Variants in PIK3C2G observed in about 807,000 individuals in gnomAD.
PIK3C2G encodes the protein phosphatidylinositol 3-kinase C2 domain-containing subunit gamma.
A neutral mutation model predicts 181.1 loss-of-function variants in PIK3C2G; 168 were observed. That is an observed-to-expected ratio of 0.93 (90% CI 0.82 to 1.05). The LOEUF (loss-of-function observed/expected upper bound fraction) is 1.05, where lower values mean the gene tolerates loss of function less well. Ranked by LOEUF, PIK3C2G falls within the 50% of genes least tolerant of loss-of-function variation. The probability of loss-of-function intolerance (pLI) is 0.00; values close to 1 mark genes in which losing one functional copy is unlikely to be tolerated. For synonymous variants in PIK3C2G, 573 were observed against 592.2 expected (o/e 0.97, Z 0.47); for missense variants, 1,869 against 1,732.8 (o/e 1.08, Z -1.40).
the PIK3C2G span, among the ~76,000 whole-genome samples, chr12:18,658,592 AAAAT>A: frequency 6.6e-6 from 1 of 152,170 alleles, no homozygotes; most frequent in Non-Finnish European, 1.5e-5. Context: ...CTATTTTTGA[AAAAT>A]AAAGGAGAAT....
rs540941383 is a variant in PIK3C2G, at chr12:18,475,672, C to T, written c.2505-12777C>T. ...AGAAACTCTGGTATTCTCTTGGAGT[C>T]TTTCAAAATTCTCAAATATAAATTA... On this transcript the variant is annotated intron_variant, in intron 18 of 32. Coordinates refer to ENST00000538779, the MANE Select transcript of PIK3C2G (RefSeq NM_001288772.2). Among the ~76,000 whole-genome samples, 212 of 152,118 alleles carry T rather than the reference C, an allele frequency of 1.4e-3. 4 individuals carry two copies. Among genetic ancestry groups the T allele is most frequent in the African/African-American group, 4.9e-3 (205 of 41,508 alleles).
chr12:18,698,130 T>C, the PIK3C2G span, among the ~76,000 whole-genome samples: 1 of 151,732 alleles, frequency 6.6e-6, no homozygotes, highest in Non-Finnish European at 1.5e-5. Flanking sequence ...TCATTCAAAC[T>C]CTCTTAACCA....
At chr12:18,667,032 A>T in the PIK3C2G span, among the ~76,000 whole-genome samples, 1 of 152,176 alleles carries the variant, frequency 6.6e-6, no homozygotes, top group Non-Finnish European at 1.5e-5. Flanking sequence ...GGTGTAGGCT[A>T]TATCACCAGA....
the PIK3C2G span, among the ~76,000 whole-genome samples, chr12:18,665,934 C>CAAAA: frequency 7.8e-6 from 1 of 128,462 alleles, no homozygotes; most frequent in Non-Finnish European, 1.6e-5. Context: ...GACTCCATCT[C>CAAAA]AAAAAAAAAA....
intron 18 of PIK3C2G, among the ~76,000 whole-genome samples, chr12:18,434,362 T>G (rs533508040): frequency 3.9e-5 from 6 of 152,154 alleles, no homozygotes; most frequent in South Asian, 2.1e-4. Flanking sequence ...TTGAAACCAT[T>G]ACATCCCCTA....
At chr12:18,315,935 C>T (rs1386433445) in intron 6 of PIK3C2G, among the ~76,000 whole-genome samples, 5 of 150,840 alleles carry the variant, frequency 3.3e-5, no homozygotes, top group Non-Finnish European at 1.5e-5. Flanking sequence ...TTTTTTTCCA[C>T]AGCAATATCC....
At chr12:18,561,681 AAAG>A (rs886750328) in intron 26 of PIK3C2G, among the ~76,000 whole-genome samples, 13 of 152,212 alleles carry the variant, frequency 8.5e-5, no homozygotes, top group African/African-American at 3.1e-4. Flanking sequence ...AAAAATAAAA[AAAG>A]AAGAGGTAAA....
chr12:18,407,346 C>T (rs545910663), intron 16 of PIK3C2G, among the ~76,000 whole-genome samples: 1 of 152,208 alleles, frequency 6.6e-6, no homozygotes, highest in East Asian at 1.9e-4. Flanking sequence ...ATTTACAAAG[C>T]ATTTCACAAT....
At chr12:18,310,719 A>G (rs545736168) in intron 5 of PIK3C2G, among the ~76,000 whole-genome samples, 1 of 152,108 alleles carries the variant, frequency 6.6e-6, no homozygotes, top group South Asian at 2.1e-4. Context: ...GAGAAAGAAG[A>G]GACTCAAAAA....
chr12:18,378,994 T>C (rs1047406183), intron 13 of PIK3C2G, among the ~76,000 whole-genome samples: 30 of 152,074 alleles, frequency 2.0e-4, no homozygotes, highest in African/African-American at 6.8e-4. Context: ...TACCATTTGA[T>C]CCAGCCATCC....
chr12:18,667,545 CT>C, the PIK3C2G span, among the ~76,000 whole-genome samples: 4 of 152,070 alleles, frequency 2.6e-5, no homozygotes, highest in Admixed American at 6.6e-5. Flanking sequence ...ATATTTAAGA[CT>C]TTTTTTCTTC....
chr12:18,530,829 T>G (rs1351961608), intron 24 of PIK3C2G, among the ~76,000 whole-genome samples: 1 of 152,100 alleles, frequency 6.6e-6, no homozygotes, highest in Non-Finnish European at 1.5e-5. Flanking sequence ...ATGCCATGAT[T>G]GTAGTTTCTT....
At chr12:18,605,484 A>G (rs1025470176) in intron 30 of PIK3C2G, among the ~76,000 whole-genome samples, 3 of 152,186 alleles carry the variant, frequency 2.0e-5, no homozygotes, top group African/African-American at 7.2e-5. Flanking sequence ...TCCTTTTGAC[A>G]CTATTCCACA....
chr12:18,338,142 C>T (rs1938727140), intron 8 of PIK3C2G, among the ~76,000 whole-genome samples: 1 of 152,092 alleles, frequency 6.6e-6, no homozygotes, highest in African/African-American at 2.4e-5. Context: ...TTACCACTTC[C>T]TCTCCTTATA....
chr12:18,413,069 T>G (rs996100490), intron 16 of PIK3C2G, among the ~76,000 whole-genome samples: 2 of 152,212 alleles, frequency 1.3e-5, no homozygotes, highest in African/African-American at 4.8e-5. Flanking sequence ...TGATTCTTTT[T>G]ATTAACCCTT....
chr12:18,601,414 A>C (rs766680286), intron 30 of PIK3C2G, among the ~76,000 whole-genome samples: 1 of 152,114 alleles, frequency 6.6e-6, no homozygotes, highest in Non-Finnish European at 1.5e-5. Context: ...AAGCTTAAAA[A>C]CGCTGATCTC....
At chr12:18,476,140 C>A (rs547761442) in intron 18 of PIK3C2G, among the ~76,000 whole-genome samples, 1 of 152,098 alleles carries the variant, frequency 6.6e-6, no homozygotes, top group Non-Finnish European at 1.5e-5. Context: ...CATCCTTACA[C>A]GGGTGGATAA....
At chr12:18,590,651 G>A (rs573779774) in intron 29 of PIK3C2G, among the ~76,000 whole-genome samples, 2 of 152,004 alleles carry the variant, frequency 1.3e-5, no homozygotes, top group Admixed American at 6.6e-5. Flanking sequence ...TTGGTGCAAT[G>A]TGAAAAAAAG....
At chr12:18,505,922 T>C (rs1941800688) in intron 24 of PIK3C2G, among the ~76,000 whole-genome samples, 1 of 152,174 alleles carries the variant, frequency 6.6e-6, no homozygotes, top group Admixed American at 6.5e-5. Flanking sequence ...TTCAAGGATA[T>C]AACAGTAAAC....
Sources: gnomAD v4.1 joint callset for allele counts (sites outside exome capture counted in the v4.1 genomes callset) on GRCh38, gnomAD v4.1.1 for gene constraint, MANE v1.5 for transcripts, NCBI Gene and HGNC (gene_info 2026-07-23, HGNC 2026-07-21) for gene names.